Variants in PPM1B observed in about 807,000 individuals in gnomAD.
The protein encoded by PPM1B is protein phosphatase, Mg2+/Mn2+ dependent 1B, also known as protein phosphatase 1B.
In PPM1B, 22 loss-of-function variants were observed where a neutral mutation model predicts 43.0. That is an observed-to-expected ratio of 0.51 (90% CI 0.37 to 0.73). The LOEUF (loss-of-function observed/expected upper bound fraction) is 0.73, where lower values mean the gene tolerates loss of function less well. PPM1B is among the 30% of genes least tolerant of loss of function. The pLI is 0.00. For missense variants in PPM1B, 632 were observed against 584.2 expected (o/e 1.08, Z -0.84); for synonymous variants, 217 against 197.9 (o/e 1.10, Z -0.81).
At chr2:44,239,785 A>G (rs540585423) in intron 5 of PPM1B, among the ~76,000 whole-genome samples, 30 of 152,282 alleles carry the variant, frequency 2.0e-4, no homozygotes, top group African/African-American at 7.2e-4. Context: ...TTTTCCATCC[A>G]GCTAGCTAAT....
chr2:44,214,360 C>T lies in PPM1B; in HGVS notation c.965-3607C>T, dbSNP rs1198144752. On this transcript the variant is annotated intron_variant, in intron 3 of 5. Coordinates refer to ENST00000282412, the MANE Select transcript of PPM1B (RefSeq NM_002706.6). ...CTGGGATTACAGGCGTGAGCCACTG[C>T]GCCCGACCCCATAGAGTTTTTTTTT... Among the ~76,000 whole-genome samples, 4 of 151,526 alleles carry T rather than the reference C, an allele frequency of 2.6e-5. No individual in the cohort carries two copies. The South Asian group carries it at 6.2e-4, about 24-fold the overall frequency.
downstream of PPM1B, chr2:44,232,725 G>A (rs2104282276): frequency 9.9e-7 from 1 of 1,009,088 alleles, no homozygotes; most frequent in Non-Finnish European, 1.2e-6. Context: ...CACACAACAT[G>A]TAAGCATGTA....
chr2:44,191,642 A>G (rs996705308), intron 1 of PPM1B, among the ~76,000 whole-genome samples: 2 of 152,098 alleles, frequency 1.3e-5, no homozygotes, highest in Admixed American at 6.6e-5. Context: ...TTCTGTAGAG[A>G]TTTACATTGT....
chr2:44,237,759 G>C (rs1169169826), downstream of PPM1B, among the ~76,000 whole-genome samples: 1 of 152,120 alleles, frequency 6.6e-6, no homozygotes, highest in African/African-American at 2.4e-5. Flanking sequence ...AAGAGGACCA[G>C]TACCACCCAG....
intron 5 of PPM1B, among the ~76,000 whole-genome samples, chr2:44,243,268 C>T (rs1055388074): frequency 6.6e-6 from 1 of 152,156 alleles, no homozygotes; most frequent in African/African-American, 2.4e-5. Context: ...TTCATATACA[C>T]TTTTAAATCA....
rs527609982 is a variant in PPM1B, at chr2:44,183,807, C to T, written c.-15+14533C>T. Among the ~76,000 whole-genome samples the T allele has an allele frequency of 1.0e-3, 157 of 152,118 alleles. 1 individual carries two copies. Among genetic ancestry groups the T allele is most frequent in the African/African-American group, 2.7e-4 (11 of 41,424 alleles). On this transcript the variant is annotated intron_variant, in intron 1 of 5. Coordinates refer to ENST00000282412, the MANE Select transcript of PPM1B (RefSeq NM_002706.6). ...AGGCTGGAGTGCAGTGGCGCGATCT[C>T]GGCTCACTGCAAGCTCCGCCTTCCG...
downstream of PPM1B, among the ~76,000 whole-genome samples, chr2:44,238,241 CATGAT>C (rs1006946498): frequency 2.6e-4 from 39 of 152,100 alleles, no homozygotes; most frequent in African/African-American, 9.2e-4. Flanking sequence ...TCCACAGTGA[CATGAT>C]ATAGAGTACC....
At chr2:44,197,045 T>A (rs1668693656) in intron 1 of PPM1B, among the ~76,000 whole-genome samples, 1 of 152,186 alleles carries the variant, frequency 6.6e-6, no homozygotes, top group African/African-American at 2.4e-5. Context: ...TGAAATAATT[T>A]CAGATTTACA....
rs1055325279 is a variant in PPM1B, at chr2:44,169,263, C to T, written c.-26C>T. The T allele has an allele frequency of 2.6e-5, 4 of 153,136 alleles. No homozygotes were observed. Among genetic ancestry groups the T allele is most frequent in the East Asian group, 1.9e-4 (1 of 5,194 alleles). The allele number at this position is 153,136 out of a possible 1,614,324, so 9.5% of individuals were successfully genotyped here. ...GAGGCGCCCTAGACATCTTCTCCCTCCCTTGCCTCAGGTAAGGCCGCCCGG... is the reference window on the plus strand; with the variant it reads ...GAGGCGCCCTAGACATCTTCTCCCTTCCTTGCCTCAGGTAAGGCCGCCCGG... On this transcript the variant is annotated 5_prime_UTR_variant, in exon 1 of 6. Transcript: ENST00000282412.
chr2:44,208,510 C>G (rs1183246880), intron 2 of PPM1B, among the ~76,000 whole-genome samples: 5 of 151,908 alleles, frequency 3.3e-5, no homozygotes, highest in Non-Finnish European at 5.9e-5. Flanking sequence ...GTCAGAAGTT[C>G]AAGACCAGCC....
chr2:44,217,643 A>G (rs905792708), intron 3 of PPM1B, among the ~76,000 whole-genome samples: 2 of 152,134 alleles, frequency 1.3e-5, no homozygotes, highest in African/African-American at 2.4e-5. Flanking sequence ...ATTATAAACC[A>G]TTTCACTCAA....
chr2:44,231,129 TTA>T lies in PPM1B; in HGVS notation c.*413_*414del. The T allele has an allele frequency of 1.1e-6, 1 of 938,246 alleles. No homozygotes were observed. Among genetic ancestry groups the T allele is most frequent in the Non-Finnish European group, 1.3e-6 (1 of 787,040 alleles). 58.1% of individuals were successfully genotyped at this position (938,246 alleles called of 1,614,324 possible). A position where few individuals can be genotyped will look rare whatever the true frequency, so the allele number is the denominator to read the frequency against. On this transcript the variant is annotated 3_prime_UTR_variant, in exon 6 of 6. Coordinates refer to ENST00000282412, the MANE Select transcript of PPM1B (RefSeq NM_002706.6). ...ACTCATAGTTAGCTTTGTAATAAATTTATGTTTTCTTTAATAATTTTAGTTCT... is the reference window on the plus strand; with the variant it reads ...ACTCATAGTTAGCTTTGTAATAAATTTGTTTTCTTTAATAATTTTAGTTCT...
intron 1 of PPM1B, among the ~76,000 whole-genome samples, chr2:44,199,837 G>T (rs1456024928): frequency 6.6e-6 from 1 of 151,986 alleles, no homozygotes; most frequent in Non-Finnish European, 1.5e-5. Flanking sequence ...TATAAAACTG[G>T]TATGTAACTT....
intron 1 of PPM1B, among the ~76,000 whole-genome samples, 155 bp downstream of exon 1, chr2:44,169,429 T>C (rs1667208794): frequency 6.6e-6 from 1 of 152,188 alleles, no homozygotes; most frequent in South Asian, 2.1e-4. Flanking sequence ...CCGCGGAGCC[T>C]AGGCAGGGGA....
At chr2:44,186,415 C>T (rs1214800341) in intron 1 of PPM1B, among the ~76,000 whole-genome samples, 1 of 152,204 alleles carries the variant, frequency 6.6e-6, no homozygotes, top group Non-Finnish European at 1.5e-5. Flanking sequence ...GTCATCGAGG[C>T]TGGAACGCAG....
At chr2:44,243,172 G>T (rs1251452225) in intron 5 of PPM1B, among the ~76,000 whole-genome samples, 1 of 152,148 alleles carries the variant, frequency 6.6e-6, no homozygotes, top group Non-Finnish European at 1.5e-5. Context: ...CACTATGATT[G>T]GAGCGGTACT....
chr2:44,204,720 G>T (rs1033880416), intron 2 of PPM1B, among the ~76,000 whole-genome samples: 1 of 151,826 alleles, frequency 6.6e-6, no homozygotes, highest in Non-Finnish European at 1.5e-5. Flanking sequence ...TCGGCCGGGC[G>T]TTGTGGTGGG....
chr2:44,216,191 T>G (rs1572737580), intron 3 of PPM1B, among the ~76,000 whole-genome samples: 1 of 152,242 alleles, frequency 6.6e-6, no homozygotes, highest in Middle Eastern at 3.4e-3. Flanking sequence ...AAATACCGAT[T>G]AGAAATTATG....
At chr2:44,232,655 A>T (rs189062768), downstream of PPM1B, 713 of 1,167,332 alleles carry the variant, frequency 6.1e-4, no homozygotes, top group Admixed American at 1.5e-3. Context: ...CCTGAGGTGC[A>T]TGGGAAATAT....
Sources: gnomAD v4.1 joint callset for allele counts (sites outside exome capture counted in the v4.1 genomes callset) on GRCh38, gnomAD v4.1.1 for gene constraint, MANE v1.5 for transcripts, NCBI Gene and HGNC (gene_info 2026-07-23, HGNC 2026-07-21) for gene names.